Variants in RPLP1 observed in about 807,000 individuals in gnomAD.
RPLP1 encodes the protein large ribosomal subunit protein P1.
Under a neutral mutation model 11.6 loss-of-function variants are expected in RPLP1, and 4 were observed. That is an observed-to-expected ratio of 0.34 (90% confidence interval 0.17 to 0.79). The LOEUF is 0.79. RPLP1 is among the 30% of genes least tolerant of loss of function. The pLI is 0.55. For synonymous variants in RPLP1, 54 were observed against 52.2 expected, an observed-to-expected ratio of 1.03 and a Z score of -0.15; for missense variants, 133 against 142.8, an observed-to-expected ratio of 0.93 and a Z score of 0.35.
rs1200225390 is a variant in RPLP1 at position 69,453,047 on chromosome 15, G to A, written c.72+27G>A. The A allele has an allele frequency of 1.9e-6, 3 of 1,546,122 alleles. No homozygotes were observed. In the East Asian group the frequency reaches 7.3e-5, roughly 38 times the overall value. On this transcript the variant is annotated intron_variant, in intron 1 of 3. Coordinates refer to ENST00000260379, the MANE Select transcript of RPLP1 (RefSeq NM_001003.3). ...TGAGTGCGGGCGCGGGCCGGCGGCC[G>A]GGCTGCCTGTGGGCGGTGACTTTCG...
Position 69,452,824 on chromosome 15 carries a change from T to A in RPLP1, c.-125T>A. 1.1e-6 allele frequency: 1 copy of A among 871,422 alleles called. No homozygotes were observed. The highest frequency in any genetic ancestry group is 1.8e-6 in the Non-Finnish European group (1 of 549,566). 54.0% of individuals were successfully genotyped at this position (871,422 alleles called of 1,614,324 possible). A position where few individuals can be genotyped will look rare whatever the true frequency, so the allele number is the denominator to read the frequency against. On this transcript the variant is annotated 5_prime_UTR_variant, in exon 1 of 4. Coordinates refer to ENST00000260379, the MANE Select transcript of RPLP1 (RefSeq NM_001003.3). ...CTGCGTATAGGCGCGAGAGCCCCTT[T>A]CCTCAGCTGCCGCCAAGGTGCTCGG... is the stretch of plus-strand genomic sequence containing the variant.
In RPLP1 at chr15:69,455,573, G is replaced by A. The variant is rs974630507; in HGVS notation, c.*66G>A. The A allele has an allele frequency of 1.4e-5, 17 of 1,232,890 alleles. No individual in the cohort carries two copies. Among genetic ancestry groups the A allele is most frequent in the Admixed American group, 2.1e-5 (1 of 46,674 alleles). The allele number at this position is 1,232,890 out of a possible 1,614,324, so 76.4% of individuals were successfully genotyped here. On this transcript the variant is annotated 3_prime_UTR_variant, in exon 4 of 4. Coordinates refer to ENST00000260379, the MANE Select transcript of RPLP1 (RefSeq NM_001003.3). ...TGCTGTTGGTCTTGTCCATAGTTTT[G>A]GAATGTGCTCTGCAAAAATGGTCTG...
chr15:69,454,036 TC>T (rs1483086417), intron 2 of RPLP1: 16 of 353,966 alleles, frequency 4.5e-5, no homozygotes, highest in African/African-American at 2.8e-4. Flanking sequence ...AAATTCTTTT[TC>T]TTTTTCTTTT....
intron 1 of RPLP1, 114 bp downstream of exon 1, chr15:69,453,134 C>G: frequency 3.0e-6 from 3 of 1,003,164 alleles, no homozygotes; most frequent in Non-Finnish European, 4.5e-6. Context: ...GGGGCCAGGC[C>G]GCGAACACAG....
At chr15:69,455,325 A>G (rs1237721351) in intron 3 of RPLP1, 38 bp downstream of exon 3, 1 of 1,541,320 alleles carries the variant, frequency 6.5e-7, no homozygotes, top group Admixed American at 2.2e-5. Context: ...GGAGGAGTGT[A>G]GAGATTTTTT....
In RPLP1 at chr15:69,452,970, G is replaced by T; in HGVS notation, c.22G>T (p.Ala8Ser). ...CGCCATGGCCTCTGTCTCCGAGCTC[G>T]CCTGCATCTACTCGGCCCTCATTCT... is the stretch of plus-strand genomic sequence containing the variant. The part of the protein sequence containing the change: MASVSEL[A>S]CIYSALILHD... Residue 8 changes from alanine to serine, a missense_variant, in exon 1 of 4, where the codon GCC becomes TCC. Physicochemically the swap from Ala to Ser is moderately conservative, Grantham distance 99 (BLOSUM62 1). Transcript: ENST00000260379. 6.3e-7 allele frequency: 1 copy of T among 1,580,400 alleles called. No individual in the cohort carries two copies. The highest frequency in any genetic ancestry group is 8.6e-7 in the Non-Finnish European group (1 of 1,165,346).
rs541357927 is a variant in RPLP1, at chr15:69,454,028, ATTCTTT to A, written c.147+322_147+327del. 1,683 of 386,126 alleles carry A rather than the reference ATTCTTT, an allele frequency of 4.4e-3. 29 individuals are homozygous for A. Among genetic ancestry groups the A allele is most frequent in the African/African-American group, 0.033 (1,556 of 47,412 alleles). 23.9% of individuals were successfully genotyped at this position (386,126 alleles called of 1,614,324 possible). ...ACTACGCATGTTAAGTTGCAAGCAA[ATTCTTT>A]TTCTTTTTCTTTTTTTTTTCTTGAG... On this transcript the variant is annotated intron_variant, in intron 2 of 3. Coordinates refer to ENST00000260379, the MANE Select transcript of RPLP1 (RefSeq NM_001003.3).
At position 69,455,228 on chromosome 15, in the gene RPLP1, C is replaced by T; in HGVS notation, c.206C>T (p.Ala69Val). The change falls in exon 3 of 4, where the codon GCT becomes GTT. Residue 69 changes from alanine (A) to valine (V), a missense_variant. Coordinates refer to ENST00000260379, the MANE Select transcript of RPLP1 (RefSeq NM_001003.3). ...TGCAATGTAGGGGCCGGTGGACCTG[C>T]TCCAGCAGCTGGTGCTGCACCAGCA... ...LICNVGAGGP[A>V]PAAGAAPAGG... is the part of the protein sequence containing the mutation. 6.2e-7 allele frequency: 1 copy of T among 1,606,374 alleles called. No individual in the cohort carries two copies. The highest frequency in any genetic ancestry group is 8.5e-7 in the Non-Finnish European group (1 of 1,176,304).
rs1246499091 is a variant in RPLP1 at position 69,452,870 on chromosome 15, C to T, written c.-79C>T. 5.2e-6 allele frequency: 7 copies of T among 1,333,690 alleles called. No individual in the cohort carries two copies. In the African/African-American group the frequency reaches 7.2e-5, roughly 14 times the overall value. 82.6% of individuals were successfully genotyped at this position (1,333,690 alleles called of 1,614,324 possible). A position where few individuals can be genotyped will look rare whatever the true frequency, so the allele number is the denominator to read the frequency against. Reference sequence around the variant, plus strand: ...CTCGGTCCTTCCGAGGAAGCTAAGGCTGCGTTGGGGTGAGGCCCTCACTTC... The same window carrying T: ...CTCGGTCCTTCCGAGGAAGCTAAGGTTGCGTTGGGGTGAGGCCCTCACTTC... On this transcript the variant is annotated 5_prime_UTR_variant, in exon 1 of 4. Coordinates refer to ENST00000260379, the MANE Select transcript of RPLP1 (RefSeq NM_001003.3).
In RPLP1 at chr15:69,455,513, T is replaced by TTG; in HGVS notation, c.*7_*8insGT. 2 of 1,589,256 alleles carry TTG rather than the reference T, an allele frequency of 1.3e-6. No individual in the cohort carries two copies. Among genetic ancestry groups the TTG allele is most frequent in the Non-Finnish European group, 1.7e-6 (2 of 1,168,294 alleles). On this transcript the variant is annotated 3_prime_UTR_variant, in exon 4 of 4. Coordinates refer to ENST00000260379, the MANE Select transcript of RPLP1 (RefSeq NM_001003.3). ...GCTTTGGTCTTTTTGACTAAACCTC[T>TTG]TTTATAACATGTTCAATAAAAAGCT...
chr15:69,453,897 T>TA (rs1213510556), intron 2 of RPLP1, 176 bp downstream of exon 2: 18 of 615,872 alleles, frequency 2.9e-5, no homozygotes, highest in African/African-American at 7.4e-5. Context: ...TGTCAAGTCT[T>TA]ACGTTTCCTT....
chr15:69,453,038 C>G lies in RPLP1; in HGVS notation c.72+18C>G. On this transcript the variant is annotated intron_variant, in intron 1 of 3. Coordinates refer to ENST00000260379, the MANE Select transcript of RPLP1 (RefSeq NM_001003.3). The stretch of plus-strand genomic sequence containing the variant: ...CAGTCACGGTGAGTGCGGGCGCGGG[C>G]CGGCGGCCGGGCTGCCTGTGGGCGG... 6.4e-7 allele frequency: 1 copy of G among 1,550,958 alleles called. No individual in the cohort carries two copies. Among genetic ancestry groups the G allele is most frequent in the African/African-American group, 1.4e-5 (1 of 73,158 alleles).
At chr15:69,454,043 C>CTT in intron 2 of RPLP1, 28 of 296,904 alleles carry the variant, frequency 9.4e-5, no homozygotes, top group East Asian at 2.4e-4. Flanking sequence ...TTTTCTTTTT[C>CTT]TTTTTTTTTT....
Position 69,456,109 on chromosome 15 carries a change from T to C in RPLP1, c.*602T>C, listed in dbSNP as rs925361319. 7.2e-5 allele frequency: 11 copies of C among 152,394 alleles called. No individual in the cohort carries two copies. In the East Asian group the frequency reaches 2.1e-3, roughly 29 times the overall value. 9.4% of individuals were successfully genotyped at this position (152,394 alleles called of 1,614,324 possible). ...GTGTTCCAAAAACTAAGAGCTTTTT[T>C]TGTTTGCCAATTAATAATACCATGA... On this transcript the variant is annotated 3_prime_UTR_variant, in exon 4 of 4. Transcript: ENST00000260379.
intron 1 of RPLP1, 163 bp downstream of exon 1, chr15:69,453,183 C>A: frequency 1.5e-6 from 1 of 674,740 alleles, no homozygotes; most frequent in Non-Finnish European, 2.5e-6. Context: ...TGGGGCCTCT[C>A]TCCGGGCAGG....
chr15:69,455,182 G>A lies in RPLP1; in HGVS notation c.160G>A (p.Val54Ile), dbSNP rs376865594. The A allele has an allele frequency of 1.1e-5, 17 of 1,592,698 alleles. No individual in the cohort carries two copies. Among genetic ancestry groups the A allele is most frequent in the African/African-American group, 9.5e-5 (7 of 73,802 alleles). ...PGLFAKALAN[V>I]NIGSLICNVG... is the part of the protein sequence containing the mutation. ...ACATGTATTGCAGGCCCTGGCCAAC[G>A]TCAACATTGGGAGCCTCATCTGCAA... The change falls in exon 3 of 4, where the codon GTC becomes ATC. Residue 54 changes from valine to isoleucine, a missense_variant. Coordinates refer to ENST00000260379, the MANE Select transcript of RPLP1 (RefSeq NM_001003.3).
At chr15:69,453,127 G>C in intron 1 of RPLP1, 107 bp downstream of exon 1, 1 of 1,072,580 alleles carries the variant, frequency 9.3e-7, no homozygotes, top group African/African-American at 1.6e-5. Context: ...TCCGGCCGGG[G>C]CCAGGCCGCG....
chr15:69,453,571 T>G, intron 1 of RPLP1, 76 bp from the exon 2 acceptor site: 2 of 1,458,590 alleles, frequency 1.4e-6, no homozygotes, highest in Non-Finnish European at 1.9e-6. Flanking sequence ...TATGTACACT[T>G]ATTGAGTGAC....
intron 1 of RPLP1, chr15:69,453,314 C>CCGTG (rs1347804621): frequency 1.7e-6 from 1 of 576,762 alleles, no homozygotes; most frequent in Non-Finnish European, 3.1e-6. Flanking sequence ...GCACCCTGAC[C>CCGTG]CGTGCCTCGT....
Sources: allele counts gnomAD v4.1 joint callset, GRCh38; gene constraint gnomAD v4.1.1; transcripts MANE v1.5; gene names NCBI Gene and HGNC (gene_info 2026-07-23, HGNC 2026-07-21).